The following NLRP11 variants were observed in gnomAD, a reference collection of about 807,000 sequenced individuals.
The protein encoded by NLRP11 is NLR family pyrin domain containing 11, also known as NACHT, LRR and PYD domains-containing protein 11.
Under a neutral mutation model 79.3 loss-of-function variants are expected in NLRP11, and 53 were observed. The ratio of observed to expected loss-of-function variants is 0.67; its 90% CI spans 0.54 to 0.84. The LOEUF is 0.84. Ranked by LOEUF, NLRP11 falls within the 40% of genes least tolerant of loss-of-function variation. The pLI is 0.00. For missense variants in NLRP11, 1,264 were observed against 1,255.0 expected, an observed-to-expected ratio of 1.01 and a Z score of -0.11; for synonymous variants, 518 against 462.6, an observed-to-expected ratio of 1.12 and a Z score of -1.54.
At chr19:55,789,080 G>T in intron 8 of NLRP11, 103 bp from the exon 9 acceptor site, 1 of 1,453,740 alleles carries the variant, frequency 6.9e-7, no homozygotes, top group Non-Finnish European at 9.5e-7. Flanking sequence ...CCAAGTTTTG[G>T]GCAAAAGAAC....
At chr19:55,816,188 A>T (rs1282754470) in intron 2 of NLRP11, among the ~76,000 whole-genome samples, 1 of 152,224 alleles carries the variant, frequency 6.6e-6, no homozygotes, top group Non-Finnish European at 1.5e-5. Flanking sequence ...TGAAAATAAG[A>T]GGGAGATATT....
At chr19:55,829,725 C>A (rs1450481997) in intron 1 of NLRP11, among the ~76,000 whole-genome samples, 1 of 149,968 alleles carries the variant, frequency 6.7e-6, no homozygotes, top group Non-Finnish European at 1.5e-5. Context: ...CATAAAACAG[C>A]GTTTACAGAA....
At chr19:55,819,580 G>A (rs539781711) in intron 1 of NLRP11, among the ~76,000 whole-genome samples, 6 of 152,308 alleles carry the variant, frequency 3.9e-5, no homozygotes, top group African/African-American at 1.4e-4. Flanking sequence ...TCAGATATGA[G>A]TGGATGTGGA....
At chr19:55,823,223 TAACA>T (rs1282844838) in intron 1 of NLRP11, among the ~76,000 whole-genome samples, 1 of 142,106 alleles carries the variant, frequency 7.0e-6, no homozygotes, top group African/African-American at 2.8e-5. Flanking sequence ...GAAGGAAAAC[TAACA>T]AACAGAAAGG....
In NLRP11 at chr19:55,809,755, T is replaced by C; in HGVS notation, c.855A>G (p.Val285=). ...AATCTACCTCTTTCAAGAACGTTTT[T>C]ACATTATTCCCACGTGTGGGCCTTG... The change falls in exon 3 of 10, where the codon GTA becomes GTG. Residue 285 remains valine (V), a synonymous_variant. Coordinates refer to ENST00000589093, the Ensembl canonical transcript of NLRP11. The surrounding 1 kb of genome is among the most constrained non-coding windows in gnomAD (Gnocchi z 4.5). 1.2e-6 allele frequency: 2 copies of C among 1,614,204 alleles called. No homozygotes were observed. The highest frequency in any genetic ancestry group is 1.7e-6 in the Non-Finnish European group (2 of 1,180,020).
At chr19:55,822,297 T>C (rs2547266) in intron 1 of NLRP11, among the ~76,000 whole-genome samples, 1 of 151,902 alleles carries the variant, frequency 6.6e-6, no homozygotes, top group African/African-American at 2.4e-5. Flanking sequence ...CTTAGTCTCA[T>C]TGGAATTTCT....
chr19:55,796,455 C>G (rs575612963), intron 5 of NLRP11, among the ~76,000 whole-genome samples: 11 of 152,276 alleles, frequency 7.2e-5, no homozygotes, highest in African/African-American at 2.6e-4. Context: ...TCACGAAGGG[C>G]TGTGAGCAGG....
intron 1 of NLRP11, among the ~76,000 whole-genome samples, chr19:55,822,436 C>T (rs553519472): frequency 5.3e-5 from 8 of 152,282 alleles, no homozygotes; most frequent in South Asian, 2.1e-4. Context: ...GGAACAGCTC[C>T]GGTCTACAGC....
exon 3 of NLRP11, chr19:55,810,039 T>C: frequency 1.2e-6 from 2 of 1,614,196 alleles, no homozygotes; most frequent in South Asian, 1.1e-5. Flanking sequence ...ATCTGGTTTA[T>C]TTCGTGAGCA....
At chr19:55,821,735 G>A (rs569500509) in intron 1 of NLRP11, among the ~76,000 whole-genome samples, 1 of 142,512 alleles carries the variant, frequency 7.0e-6, no homozygotes, top group Non-Finnish European at 1.5e-5. Flanking sequence ...CATTAACATT[G>A]TTAGTGATGG....
chr19:55,835,980 C>T (rs1316322409), upstream of NLRP11, among the ~76,000 whole-genome samples: 2 of 152,180 alleles, frequency 1.3e-5, no homozygotes, highest in Non-Finnish European at 2.9e-5. Context: ...AAAAATTAGC[C>T]GGGCATGGTG....
rs1414310212 is a variant in NLRP11 at position 55,809,982 on chromosome 19, C to A, written c.628G>T (p.Gly210Cys). 6.2e-7 allele frequency: 1 copy of A among 1,614,030 alleles called. No individual in the cohort carries two copies. Among genetic ancestry groups the A allele is most frequent in the South Asian group, 1.1e-5 (1 of 91,072 alleles). ...AGGATGTCTGCAATGGGAGCCTGGC[C>A]GTCAGGCCAGTCCTTGGCGATTAGC... Residue 210 changes from glycine (G) to cysteine (C), a missense_variant, in exon 3 of 10, where the codon GGC (glycine) becomes TGC (cysteine). By Grantham distance (159) the Gly-to-Cys change is radical (BLOSUM62 -3). Transcript: ENST00000589093. The surrounding 1 kb of genome is among the most constrained non-coding windows in gnomAD (Gnocchi z 4.5).
At position 55,796,077 on chromosome 19, in the gene NLRP11, T is replaced by C; in HGVS notation, c.2342+3A>G. The C allele has an allele frequency of 1.2e-6, 2 of 1,608,284 alleles. No individual in the cohort carries two copies. Among genetic ancestry groups the C allele is most frequent in the Admixed American group, 1.7e-5 (1 of 59,880 alleles). On this transcript the variant is annotated splice_donor_region_variant and intron_variant, in intron 6 of 9. Coordinates refer to ENST00000589093, the Ensembl canonical transcript of NLRP11. ...CGTGGTGAGCTCGTCTAAGCCAACT[T>C]ACACCAGTGATATAAGAGTGCAGTT...
At chr19:55,787,406 G>A (rs1330277470) in intron 9 of NLRP11, among the ~76,000 whole-genome samples, 1 of 152,108 alleles carries the variant, frequency 6.6e-6, no homozygotes, top group Non-Finnish European at 1.5e-5. Flanking sequence ...GTGCGATCTC[G>A]GCTCACTGCA....
At chr19:55,805,359 G>A (rs536058355) in intron 4 of NLRP11, among the ~76,000 whole-genome samples, 1 of 152,058 alleles carries the variant, frequency 6.6e-6, no homozygotes, top group Admixed American at 6.5e-5. Context: ...TAGAACACAC[G>A]GGAAGCCCTT....
chr19:55,834,565 G>T (rs1352816688), upstream of NLRP11, among the ~76,000 whole-genome samples: 1 of 152,184 alleles, frequency 6.6e-6, no homozygotes, highest in African/African-American at 2.4e-5. Context: ...AACCACTTCT[G>T]AAGAGGCAAC....
chr19:55,827,951 A>G (rs940258242), intron 1 of NLRP11, among the ~76,000 whole-genome samples: 7 of 151,960 alleles, frequency 4.6e-5, no homozygotes, highest in Non-Finnish European at 8.8e-5. Flanking sequence ...ATGCTGCTAT[A>G]AAGACACATG....
At chr19:55,810,624 GT>G (rs1189321087) in intron 2 of NLRP11, among the ~76,000 whole-genome samples, 4 of 152,102 alleles carry the variant, frequency 2.6e-5, no homozygotes, top group Non-Finnish European at 4.4e-5. Flanking sequence ...AGCCTCCCAA[GT>G]AGCTAGGATT....
rs755498810 is a variant in NLRP11, at chr19:55,801,697, G to A, written c.2046C>T (p.Leu682=). 6 of 1,614,118 alleles carry A rather than the reference G, an allele frequency of 3.7e-6. No individual in the cohort carries two copies. In the East Asian group the frequency reaches 1.3e-4, roughly 36 times the overall value. The change falls in exon 5 of 10, where the codon CTC becomes CTT. Residue 682 remains leucine, a synonymous_variant. Coordinates refer to ENST00000589093, the Ensembl canonical transcript of NLRP11. ...GGCTCCGATTACGAGCCAAAGCCTT[G>A]AGTAAGTCTTCAAAACCAGAAGCAG...
Sources: gnomAD v4.1 joint callset for allele counts (sites outside exome capture counted in the v4.1 genomes callset) on GRCh38, gnomAD v4.1.1 for gene constraint, Gnocchi (gnomAD v3.1) non-coding constraint, MANE v1.5 for transcripts, NCBI Gene and HGNC (gene_info 2026-07-23, HGNC 2026-07-21) for gene names.